FHOD3: variants seen among roughly 807,000 people sequenced by gnomAD.
FHOD3 encodes formin homology 2 domain containing 3, also known as FH1/FH2 domain-containing protein 3.
In FHOD3, 90 loss-of-function variants were observed where a neutral mutation model predicts 173.0. The ratio of observed to expected loss-of-function variants is 0.52; its 90% CI spans 0.44 to 0.62. The LOEUF (loss-of-function observed/expected upper bound fraction) is 0.62, where lower values mean the gene tolerates loss of function less well. Ranked by LOEUF, FHOD3 falls within the 20% of genes least tolerant of loss-of-function variation. The pLI is 0.00. For missense variants in FHOD3, 1,945 were observed against 2,034.7 expected (o/e 0.96, Z 0.85); for synonymous variants, 828 against 823.0 (o/e 1.01, Z -0.10).
chr18:36,328,925 T>C (rs1393683769), intron 1 of FHOD3, among the ~76,000 whole-genome samples: 5 of 152,134 alleles, frequency 3.3e-5, no homozygotes, highest in African/African-American at 4.8e-5. Context: ...AGATGTCAAA[T>C]AGGCCATGGA....
rs1555822245 is a variant in FHOD3 at position 36,720,692 on chromosome 18, C to CCCTCCTTCTCCTCCTCCT, written c.3417+1988_3417+2005dup. Among the ~76,000 whole-genome samples the CCCTCCTTCTCCTCCTCCT allele has an allele frequency of 3.8e-3, 429 of 112,552 alleles. 1 individual carries two copies. The highest frequency in any genetic ancestry group is 0.028 in the East Asian group (124 of 4,508). The allele number at this position is 112,552 out of a possible 152,430, so 73.8% of individuals were successfully genotyped here. ...TAATTGGACAGAATATTCCTCCTCC[C>CCCTCCTTCTCCTCCTCCT]CCTCCTTCTCCTCCTCCTCCTCCTT... On this transcript the variant is annotated intron_variant, in intron 19 of 28. Coordinates refer to ENST00000590592, the MANE Select transcript of FHOD3 (RefSeq NM_001281740.3).
intron 17 of FHOD3, among the ~76,000 whole-genome samples, chr18:36,694,605 G>A (rs919310568): frequency 2.6e-5 from 4 of 152,252 alleles, no homozygotes; most frequent in South Asian, 4.1e-4. Context: ...TATTATCTAC[G>A]TTGTGGTATT....
intron 17 of FHOD3, among the ~76,000 whole-genome samples, chr18:36,707,131 C>T (rs17680714): frequency 0.03 from 4,526 of 152,338 alleles, 117 homozygotes; most frequent in East Asian, 0.11. Context: ...TTCTCAGACA[C>T]GTGGCCTCAC....
At position 36,652,627 on chromosome 18, in the gene FHOD3, C is replaced by T; in HGVS notation, c.1344C>T (p.Ser448=). 2 of 1,535,322 alleles carry T rather than the reference C, an allele frequency of 1.3e-6. No homozygotes were observed. The highest frequency in any genetic ancestry group is 1.7e-6 in the Non-Finnish European group (2 of 1,146,728). The change falls in exon 12 of 29, where the codon AGC becomes AGT. Residue 448 remains serine (S), a synonymous_variant. Coordinates refer to ENST00000590592, the MANE Select transcript of FHOD3 (RefSeq NM_001281740.3). ...CTGGAAGGGATGCTGCTCCCAAGAG[C>T]TCTGCCCTCCCTGCTGTCTCGAATG... is the stretch of plus-strand genomic sequence containing the variant. ...SPTGRDAAPK[S]SALPAVSNAS...
intron 6 of FHOD3, among the ~76,000 whole-genome samples, chr18:36,580,193 G>A (rs1019995213): frequency 6.6e-6 from 1 of 152,198 alleles, no homozygotes; most frequent in Non-Finnish European, 1.5e-5. Context: ...GGTGCACTCG[G>A]TGTGTGCTTC....
At chr18:36,739,539 A>G (rs997754911) in intron 20 of FHOD3, among the ~76,000 whole-genome samples, 4 of 152,232 alleles carry the variant, frequency 2.6e-5, no homozygotes, top group Admixed American at 6.5e-5. Context: ...AATTAAATCT[A>G]TAGATCAATT....
At chr18:36,324,429 A>C (rs564841488) in intron 1 of FHOD3, among the ~76,000 whole-genome samples, 11 of 152,350 alleles carry the variant, frequency 7.2e-5, no homozygotes, top group African/African-American at 2.6e-4. Context: ...TACCCTTATG[A>C]GTGAAAAGGC....
intron 16 of FHOD3, 154 bp from the exon 17 acceptor site, chr18:36,693,054 TG>T: frequency 2.9e-6 from 2 of 683,326 alleles, no homozygotes; most frequent in East Asian, 5.4e-5. Context: ...TTGGCTTTGC[TG>T]GGTGTTTTTG....
At chr18:36,420,790 C>G (rs1180927813) in intron 3 of FHOD3, among the ~76,000 whole-genome samples, 2 of 152,172 alleles carry the variant, frequency 1.3e-5, no homozygotes, top group Non-Finnish European at 2.9e-5. Context: ...CTTGCCCATT[C>G]TGGTGGCTTT....
chr18:36,676,354 T>C (rs1427996467), intron 14 of FHOD3, among the ~76,000 whole-genome samples: 1 of 152,240 alleles, frequency 6.6e-6, no homozygotes, highest in African/African-American at 2.4e-5. Flanking sequence ...TATGTTCATA[T>C]CATTCTAGTT....
chr18:36,340,154 A>T (rs1481348160), intron 1 of FHOD3, among the ~76,000 whole-genome samples: 1 of 152,244 alleles, frequency 6.6e-6, no homozygotes, highest in African/African-American at 2.4e-5. Flanking sequence ...TAACATATTA[A>T]AAGTCCTTGA....
chr18:36,656,120 G>A (rs751369372), intron 13 of FHOD3, among the ~76,000 whole-genome samples: 14 of 152,114 alleles, frequency 9.2e-5, no homozygotes, highest in African/African-American at 1.7e-4. Flanking sequence ...GGTGTCGTGC[G>A]GGGCAGCCTC....
intron 1 of FHOD3, among the ~76,000 whole-genome samples, chr18:36,333,161 A>G (rs1188872230): frequency 6.6e-6 from 1 of 152,188 alleles, no homozygotes; most frequent in South Asian, 2.1e-4. Flanking sequence ...CCAGGTTTAT[A>G]CCATAATCGG....
intron 3 of FHOD3, among the ~76,000 whole-genome samples, chr18:36,413,473 G>A (rs778983678): frequency 2.6e-5 from 4 of 152,218 alleles, no homozygotes; most frequent in African/African-American, 4.8e-5. Flanking sequence ...GCCTGCTGAA[G>A]GGAGGAAGAT....
At chr18:36,359,211 TG>T (rs2046497449) in intron 2 of FHOD3, among the ~76,000 whole-genome samples, 1 of 152,246 alleles carries the variant, frequency 6.6e-6, no homozygotes, top group Admixed American at 6.5e-5. Context: ...AAAATTGTGA[TG>T]TTTTTCATAC....
At chr18:36,493,679 AT>A (rs2054588256) in intron 3 of FHOD3, among the ~76,000 whole-genome samples, 1 of 152,160 alleles carries the variant, frequency 6.6e-6, no homozygotes. Context: ...TAAGGAGCTA[AT>A]TTCTCATGGC....
intron 4 of FHOD3, among the ~76,000 whole-genome samples, chr18:36,510,749 TGTAAA>T (rs1462947794): frequency 1.3e-5 from 2 of 152,232 alleles, no homozygotes; most frequent in South Asian, 2.1e-4. Flanking sequence ...TACATATGAG[TGTAAA>T]GTAATTTTCC....
Position 36,718,625 on chromosome 18 carries a change from C to T in FHOD3, c.3327C>T (p.Phe1109=). 1.2e-6 allele frequency: 2 copies of T among 1,614,144 alleles called. No individual in the cohort carries two copies. The highest frequency in any genetic ancestry group is 8.5e-7 in the Non-Finnish European group (1 of 1,180,026). ...AAAACAACCGACGCTGCAGAGAATTCCTGTGGTCAAAACTGGAACCCATTA... is the reference window on the plus strand; with the variant it reads ...AAAACAACCGACGCTGCAGAGAATTTCTGTGGTCAAAACTGGAACCCATTA... The part of the protein sequence containing the change: ...PCKNNRRCRE[F]LWSKLEPIKV... Residue 1109 remains phenylalanine (F), a synonymous_variant, in exon 19 of 29, where the codon TTC becomes TTT. Coordinates refer to ENST00000590592, the MANE Select transcript of FHOD3 (RefSeq NM_001281740.3).
At chr18:36,590,873 C>T (rs1366333695) in intron 6 of FHOD3, among the ~76,000 whole-genome samples, 2 of 152,154 alleles carry the variant, frequency 1.3e-5, no homozygotes, top group African/African-American at 2.4e-5. Context: ...GTGCCTGAGA[C>T]CGTATCGGTC....
Sources: allele counts gnomAD v4.1 joint callset (sites outside exome capture counted in the v4.1 genomes callset), GRCh38; gene constraint gnomAD v4.1.1; transcripts MANE v1.5; gene names NCBI Gene and HGNC (gene_info 2026-07-23, HGNC 2026-07-21).